SDK1: variants seen among roughly 807,000 people sequenced by gnomAD.
SDK1 encodes protein sidekick-1.
Under a neutral mutation model 245.5 loss-of-function variants are expected in SDK1, and 157 were observed. The ratio of observed to expected loss-of-function variants is 0.64; its 90% CI spans 0.56 to 0.73. The LOEUF (loss-of-function observed/expected upper bound fraction) is 0.73. Ranked by LOEUF, SDK1 falls within the 30% of genes least tolerant of loss-of-function variation. The pLI is 0.00. For missense variants in SDK1, 3,583 were observed against 3,002.3 expected (o/e 1.19, Z -4.52); for synonymous variants, 1,647 against 1,278.5 (o/e 1.29, Z -6.15).
chr7:4,221,769 C>T (rs1257058215), intron 40 of SDK1, among the ~76,000 whole-genome samples: 3 of 152,224 alleles, frequency 2.0e-5, no homozygotes, highest in East Asian at 1.9e-4. Flanking sequence ...TCTGATAATA[C>T]GAAGATTCTT....
intron 35 of SDK1, 52 bp downstream of exon 35, chr7:4,178,638 G>A (rs1194670408): frequency 7.6e-7 from 1 of 1,318,528 alleles, no homozygotes; most frequent in Non-Finnish European, 1.1e-6. Flanking sequence ...ACAGTGGTGG[G>A]GACAGCCAGG....
chr7:3,346,713 G>GTA (rs58349264), intron 1 of SDK1, among the ~76,000 whole-genome samples: 13,280 of 123,958 alleles, frequency 0.11, 869 homozygotes, highest in African/African-American at 0.19. Context: ...GTGTGTGTGT[G>GTA]TATATATGTA....
At chr7:3,323,488 A>G (rs1269808672) in intron 1 of SDK1, among the ~76,000 whole-genome samples, 3 of 152,286 alleles carry the variant, frequency 2.0e-5, no homozygotes, top group African/African-American at 7.2e-5. Flanking sequence ...AAACTCATTC[A>G]CATTGCTGGT....
At chr7:3,771,010 G>GT (rs1189058113) in intron 4 of SDK1, among the ~76,000 whole-genome samples, 4 of 152,152 alleles carry the variant, frequency 2.6e-5, no homozygotes, top group African/African-American at 7.2e-5. Context: ...TTGGCTGGGT[G>GT]TTTTTTCTGG....
At chr7:3,759,327 A>G (rs1293245607) in intron 4 of SDK1, among the ~76,000 whole-genome samples, 2 of 152,222 alleles carry the variant, frequency 1.3e-5, no homozygotes, top group Admixed American at 1.3e-4. Flanking sequence ...CTATTGAATC[A>G]TAGAAACATT....
At chr7:4,203,242 G>A (rs1012171400) in intron 35 of SDK1, among the ~76,000 whole-genome samples, 1 of 152,188 alleles carries the variant, frequency 6.6e-6, no homozygotes. Context: ...CACGATGGCT[G>A]TCAGGTGAGG....
rs1562601260 is a variant in SDK1, at chr7:3,974,597, GTGCC to G, written c.1994+53_1994+56del. The G allele has an allele frequency of 1.9e-6, 3 of 1,564,018 alleles. No individual in the cohort carries two copies. The African/African-American group carries it at 4.0e-5, about 21-fold the overall frequency. The stretch of plus-strand genomic sequence containing the variant: ...CCAGTCCGCGGTTTTCTCCGTTACT[GTGCC>G]CCTGTTAGTGACTGCCACTTCACAA... On this transcript the variant is annotated intron_variant, in intron 13 of 44. Transcript: ENST00000404826.
At chr7:3,995,224 G>T (rs1221146098) in intron 14 of SDK1, among the ~76,000 whole-genome samples, 3 of 152,164 alleles carry the variant, frequency 2.0e-5, no homozygotes, top group Non-Finnish European at 2.9e-5. Flanking sequence ...CAGTGCCACT[G>T]CACCTTTGCT....
intron 1 of SDK1, among the ~76,000 whole-genome samples, chr7:3,494,326 C>T (rs972679496): frequency 4.6e-5 from 7 of 152,082 alleles, no homozygotes; most frequent in South Asian, 2.1e-4. Context: ...AGAAATGATA[C>T]GGGTATCCTA....
chr7:3,630,184 G>A (rs1017804164), intron 2 of SDK1, among the ~76,000 whole-genome samples: 5 of 152,160 alleles, frequency 3.3e-5, no homozygotes, highest in Admixed American at 3.3e-4. Context: ...CCCCCAAGGA[G>A]GCAGTCAGAG....
chr7:3,448,287 T>A (rs1412389009), intron 1 of SDK1, among the ~76,000 whole-genome samples: 1 of 152,194 alleles, frequency 6.6e-6, no homozygotes, highest in African/African-American at 2.4e-5. Flanking sequence ...TTATGTTTAT[T>A]GGCCATTTCA....
At position 3,951,003 on chromosome 7, in the gene SDK1, G is replaced by C. The variant is rs746615689; in HGVS notation, c.928G>C (p.Glu310Gln). 1 of 1,613,998 alleles carries C rather than the reference G, an allele frequency of 6.2e-7. No individual in the cohort carries two copies. Among genetic ancestry groups the C allele is most frequent in the South Asian group, 1.1e-5 (1 of 91,078 alleles). The change falls in exon 6 of 45, where the codon GAG (glutamate) becomes CAG (glutamine). Residue 310 changes from glutamate to glutamine, a missense_variant. Transcript: ENST00000404826. ...GNRSVVAGSSETTLECIASAR... is the reference protein window; with the variant it reads ...GNRSVVAGSSQTTLECIASAR... ...CAGAAGTGTGGTGGCTGGATCCAGT[G>C]AGACCACCTTGGAATGTATAGCCAG... is the stretch of plus-strand genomic sequence containing the variant.
chr7:3,820,294 C>T (rs1779612359), intron 4 of SDK1, among the ~76,000 whole-genome samples: 1 of 152,208 alleles, frequency 6.6e-6, no homozygotes, highest in Admixed American at 6.5e-5. Flanking sequence ...GGACTACAGG[C>T]GTGTGCCACC....
At position 4,245,798 on chromosome 7, in the gene SDK1, A is replaced by C. The variant is rs773380724; in HGVS notation, c.6374A>C (p.Glu2125Ala). 1.9e-6 allele frequency: 3 copies of C among 1,613,782 alleles called. No homozygotes were observed. Among genetic ancestry groups the C allele is most frequent in the Non-Finnish European group, 2.5e-6 (3 of 1,179,908 alleles). ...AAGGAGAAGTCGGCAGATGCATCAG[A>C]ATCTGAGGTCAGTGTCGGTGCCTAC... ...SLKEKSADAS[E>A]SEATDSDYED... Residue 2125 changes from glutamate to alanine, a missense_variant, in exon 44 of 45, where the codon GAA (glutamate) becomes GCA (alanine). By Grantham distance (107) the Glu-to-Ala change is moderately radical. Coordinates refer to ENST00000404826, the MANE Select transcript of SDK1 (RefSeq NM_152744.4).
chr7:3,370,000 A>G (rs1226953805), intron 1 of SDK1, among the ~76,000 whole-genome samples: 4 of 152,214 alleles, frequency 2.6e-5, no homozygotes, highest in African/African-American at 9.6e-5. Flanking sequence ...AAGGACTTCT[A>G]AAATCAATAC....
chr7:3,684,806 A>G (rs570712702), intron 4 of SDK1, among the ~76,000 whole-genome samples: 2 of 152,210 alleles, frequency 1.3e-5, no homozygotes, highest in Non-Finnish European at 2.9e-5. Flanking sequence ...AAAAGAGCCA[A>G]TGGAAAGCAG....
intron 13 of SDK1, among the ~76,000 whole-genome samples, chr7:3,977,525 C>T (rs368419276): frequency 2.0e-5 from 3 of 152,360 alleles, no homozygotes; most frequent in South Asian, 2.1e-4. Context: ...TCTTTCTGCC[C>T]TTCATGAGCC....
At chr7:3,355,742 TA>T (rs1244261385) in intron 1 of SDK1, among the ~76,000 whole-genome samples, 1 of 152,222 alleles carries the variant, frequency 6.6e-6, no homozygotes, top group African/African-American at 2.4e-5. Context: ...TTTCAGGAAA[TA>T]GCCTCTAAAC....
intron 4 of SDK1, among the ~76,000 whole-genome samples, chr7:3,797,662 G>T (rs939036036): frequency 1.3e-5 from 2 of 151,988 alleles, no homozygotes; most frequent in Non-Finnish European, 2.9e-5. Context: ...AATTGATGAA[G>T]TTTTTCCACA....
Sources: allele counts gnomAD v4.1 joint callset (sites outside exome capture counted in the v4.1 genomes callset), GRCh38; gene constraint gnomAD v4.1.1; transcripts MANE v1.5; gene names NCBI Gene and HGNC (gene_info 2026-07-23, HGNC 2026-07-21).